The following LY96 variants were observed in gnomAD, a reference collection of about 807,000 sequenced individuals.
The protein encoded by LY96 is lymphocyte antigen 96.
LY96 carries 18 observed loss-of-function variants against 18.9 expected under a neutral mutation model. The observed-to-expected ratio is 0.95, with a 90% CI of 0.66 to 1.41. The LOEUF (loss-of-function observed/expected upper bound fraction) is 1.41. Ranked by LOEUF, LY96 falls within the 40% of genes most tolerant of loss-of-function variation. The pLI, the probability that LY96 is intolerant of heterozygous loss-of-function variation, is 0.00. For missense variants in LY96, 175 were observed against 182.4 expected (o/e 0.96, Z 0.23); for synonymous variants, 66 against 62.6 (o/e 1.06, Z -0.26).
chr8:74,010,083 C>A lies in LY96; in HGVS notation c.285C>A (p.Cys95Ter). Residue 95 changes from cysteine (C) to a stop codon, truncating the protein, a stop_gained, in exon 3 of 5, where the codon TGC becomes TGA. Transcript: ENST00000284818. LOFTEE classifies it high-confidence loss of function. ...MNLPKRKEVI[C>*]RGSDDDYSFC... ...TTCCAAAGCGCAAAGAAGTTATTTG[C>A]CGAGGATCTGATGACGATTACTCTT... 3 of 1,613,032 alleles carry A rather than the reference C, an allele frequency of 1.9e-6. No homozygotes were observed. Among genetic ancestry groups the A allele is most frequent in the Non-Finnish European group, 2.5e-6 (3 of 1,179,242 alleles).
At chr8:74,018,246 AT>A (rs1447348149) in intron 3 of LY96, among the ~76,000 whole-genome samples, 7 of 152,118 alleles carry the variant, frequency 4.6e-5, no homozygotes, top group East Asian at 1.9e-4. Flanking sequence ...AATAAAAAAA[AT>A]AAATAAATAA....
chr8:74,051,719 C>T, the LY96 span, among the ~76,000 whole-genome samples: 1 of 152,156 alleles, frequency 6.6e-6, no homozygotes, highest in Admixed American at 6.5e-5. Flanking sequence ...CTCTCCAACA[C>T]GTGAGGACAT....
intron 4 of LY96, among the ~76,000 whole-genome samples, chr8:74,027,262 C>T (rs768937491): frequency 1.1e-4 from 16 of 150,324 alleles, no homozygotes; most frequent in Middle Eastern, 3.5e-3. Flanking sequence ...AATAGCAGTT[C>T]GAGATTAAGA....
the LY96 span, among the ~76,000 whole-genome samples, chr8:74,098,282 T>G: frequency 6.6e-6 from 1 of 152,144 alleles, no homozygotes; most frequent in Admixed American, 6.6e-5. Flanking sequence ...AGTAAGGCCT[T>G]AGAAAAATGT....
At chr8:73,993,988 GT>G (rs534972696) in intron 1 of LY96, among the ~76,000 whole-genome samples, 37 of 147,418 alleles carry the variant, frequency 2.5e-4, no homozygotes, top group East Asian at 1.8e-3. Flanking sequence ...TGACTTTCTA[GT>G]TTTTTTTTTT....
the LY96 span, chr8:74,056,211 TGTGTTCCATG>T: frequency 5.8e-6 from 1 of 173,868 alleles, no homozygotes; most frequent in Non-Finnish European, 1.2e-5. Context: ...CATGACAAAA[TGTGTTCCATG>T]GTAGTTCATG....
intron 3 of LY96, among the ~76,000 whole-genome samples, chr8:74,012,277 A>C (rs1276014000): frequency 6.6e-6 from 1 of 152,218 alleles, no homozygotes; most frequent in Non-Finnish European, 1.5e-5. Flanking sequence ...AAGATATGGA[A>C]TTTACCTAAG....
In LY96 at chr8:74,026,100, A is replaced by T. The variant is rs148158912; in HGVS notation, c.332-689A>T. Among the ~76,000 whole-genome samples, 847 of 152,302 alleles carry T rather than the reference A, an allele frequency of 5.6e-3. 8 individuals are homozygous for T. The highest frequency in any genetic ancestry group is 0.016 in the African/African-American group (655 of 41,546). On this transcript the variant is annotated intron_variant, in intron 3 of 4. Coordinates refer to ENST00000284818, the MANE Select transcript of LY96 (RefSeq NM_015364.5). Reference sequence around the variant, plus strand: ...TGAGACTAGAAGTATACATGCAGACATTAATTATTTACTTCTGAGAACAAT... The same window carrying T: ...TGAGACTAGAAGTATACATGCAGACTTTAATTATTTACTTCTGAGAACAAT...
chr8:74,090,751 C>T, the LY96 span, among the ~76,000 whole-genome samples: 3 of 152,180 alleles, frequency 2.0e-5, no homozygotes, highest in Non-Finnish European at 2.9e-5. Flanking sequence ...GGAGTGTATT[C>T]TGGGTCTACT....
chr8:74,084,173 T>G, the LY96 span, among the ~76,000 whole-genome samples: 1 of 152,206 alleles, frequency 6.6e-6, no homozygotes, highest in African/African-American at 2.4e-5. Context: ...AAATGATAGT[T>G]AGATGTAAAC....
chr8:74,012,798 T>C (rs1460166449), intron 3 of LY96, among the ~76,000 whole-genome samples: 2 of 152,126 alleles, frequency 1.3e-5, no homozygotes, highest in Non-Finnish European at 2.9e-5. Flanking sequence ...AAAATTATAT[T>C]TACATATAAT....
intron 4 of LY96, among the ~76,000 whole-genome samples, chr8:74,027,243 A>G (rs747582313): frequency 6.6e-6 from 1 of 151,672 alleles, no homozygotes; most frequent in Non-Finnish European, 1.5e-5. Context: ...CCCAGCTGAC[A>G]ATTTCATGAA....
chr8:74,012,950 G>C (rs1467740252), intron 3 of LY96, among the ~76,000 whole-genome samples: 1 of 151,718 alleles, frequency 6.6e-6, no homozygotes, highest in African/African-American at 2.4e-5. Context: ...AGAAAAACTG[G>C]GATAAGTTTT....
the LY96 span, among the ~76,000 whole-genome samples, chr8:74,065,320 C>G: frequency 7.2e-5 from 11 of 152,230 alleles, no homozygotes; most frequent in Non-Finnish European, 1.5e-4. Context: ...GTTGCGGTCA[C>G]TCATACTGAC....
At chr8:74,038,290 C>A in the LY96 span, among the ~76,000 whole-genome samples, 1 of 152,058 alleles carries the variant, frequency 6.6e-6, no homozygotes. Context: ...AGGTATTACT[C>A]ATCTTTTAAA....
chr8:74,007,819 GC>G (rs1816445079), intron 2 of LY96, among the ~76,000 whole-genome samples: 1 of 152,152 alleles, frequency 6.6e-6, no homozygotes, highest in African/African-American at 2.4e-5. Flanking sequence ...GAGTGCAGTG[GC>G]GTGATCTCGG....
chr8:74,035,790 A>G, the LY96 span, among the ~76,000 whole-genome samples: 9 of 152,322 alleles, frequency 5.9e-5, no homozygotes, highest in African/African-American at 2.2e-4. Context: ...ATTCCCTTCT[A>G]TTGATAATAA....
chr8:74,005,122 G>T (rs1586650745), intron 2 of LY96, among the ~76,000 whole-genome samples: 1 of 152,306 alleles, frequency 6.6e-6, no homozygotes, highest in East Asian at 1.9e-4. Flanking sequence ...CAATCAAGGT[G>T]TTTGCCAGGC....
the LY96 span, among the ~76,000 whole-genome samples, chr8:74,071,219 C>A: frequency 8.6e-5 from 13 of 151,550 alleles, no homozygotes; most frequent in Non-Finnish European, 1.6e-4. Flanking sequence ...GCAGGAAGTA[C>A]CTTAAGCAGG....
Sources: gnomAD v4.1 joint callset for allele counts (sites outside exome capture counted in the v4.1 genomes callset) on GRCh38, gnomAD v4.1.1 for gene constraint, MANE v1.5 for transcripts, NCBI Gene and HGNC (gene_info 2026-07-23, HGNC 2026-07-21) for gene names.